The following SIK2 variants were observed in gnomAD, a reference collection of about 807,000 sequenced individuals.
SIK2 encodes serine/threonine-protein kinase SIK2.
A neutral mutation model predicts 103.2 loss-of-function variants in SIK2; 29 were observed. The observed-to-expected ratio is 0.28, with a 90% confidence interval of 0.21 to 0.38. The LOEUF is 0.38. SIK2 is among the 10% of genes least tolerant of loss of function. The pLI is 1.00. For synonymous variants in SIK2, 412 were observed against 446.1 expected, an observed-to-expected ratio of 0.92 and a Z score of 0.96; for missense variants, 879 against 1,171.0, an observed-to-expected ratio of 0.75 and a Z score of 3.64.
At chr11:111,651,036 G>A (rs1004567815) in intron 3 of SIK2, among the ~76,000 whole-genome samples, 3 of 152,166 alleles carry the variant, frequency 2.0e-5, no homozygotes, top group Non-Finnish European at 2.9e-5. Context: ...CTGACTTCAC[G>A]TTAGAGTTAT....
chr11:111,674,908 A>G (rs1207308040), intron 3 of SIK2, among the ~76,000 whole-genome samples: 6 of 152,224 alleles, frequency 3.9e-5, no homozygotes, highest in South Asian at 2.1e-4. Flanking sequence ...CACTTCACCC[A>G]GCTAATGTTT....
At chr11:111,672,409 GA>G in intron 3 of SIK2, 1 of 390,442 alleles carries the variant, frequency 2.6e-6, no homozygotes, top group Non-Finnish European at 4.4e-6. Flanking sequence ...GGACACAGTG[GA>G]GGCAGGAGTG....
At chr11:111,702,977 C>G (rs995533196) in intron 6 of SIK2, among the ~76,000 whole-genome samples, 11 of 151,870 alleles carry the variant, frequency 7.2e-5, no homozygotes, top group Non-Finnish European at 1.5e-4. Flanking sequence ...TCCTTTAGCC[C>G]AGAATCTGAT....
intron 3 of SIK2, among the ~76,000 whole-genome samples, chr11:111,668,195 T>TGTGA (rs1313182985): frequency 6.6e-6 from 1 of 151,908 alleles, no homozygotes; most frequent in Non-Finnish European, 1.5e-5. Context: ...TGTGTGTGTG[T>TGTGA]GTGTGTGTGT....
chr11:111,693,115 C>G (rs568089465), intron 4 of SIK2, among the ~76,000 whole-genome samples: 1 of 151,968 alleles, frequency 6.6e-6, no homozygotes, highest in African/African-American at 2.4e-5. Context: ...GGGCGGATCA[C>G]GAGGGCAGGA....
intron 6 of SIK2, among the ~76,000 whole-genome samples, chr11:111,702,416 C>A (rs1327656069): frequency 6.6e-6 from 1 of 152,146 alleles, no homozygotes; most frequent in Non-Finnish European, 1.5e-5. Flanking sequence ...AAGACCCTGT[C>A]TCTACAAAAA....
At chr11:111,669,738 T>A (rs1430036203) in intron 3 of SIK2, among the ~76,000 whole-genome samples, 3 of 152,192 alleles carry the variant, frequency 2.0e-5, no homozygotes, top group Non-Finnish European at 4.4e-5. Flanking sequence ...GTATTTAGAC[T>A]TTTTGGCCTT....
intron 9 of SIK2, among the ~76,000 whole-genome samples, chr11:111,719,501 C>A (rs1474798500): frequency 6.6e-6 from 1 of 151,554 alleles, no homozygotes; most frequent in African/African-American, 2.4e-5. Context: ...CTGGAAACCA[C>A]TAAAAAAGTT....
chr11:111,606,520 T>G (rs1382938111), intron 1 of SIK2, among the ~76,000 whole-genome samples: 1 of 152,144 alleles, frequency 6.6e-6, no homozygotes, highest in African/African-American at 2.4e-5. Flanking sequence ...TATATAACTT[T>G]ATAAAAACAT....
At position 111,688,936 on chromosome 11, in the gene SIK2, T is replaced by A. The variant is rs755793733; in HGVS notation, c.478+774T>A. 6.6e-6 allele frequency among the ~76,000 whole-genome samples: 1 copy of A among 152,186 alleles called. No individual in the cohort carries two copies. Among genetic ancestry groups the A allele is most frequent in the Non-Finnish European group, 1.5e-5 (1 of 68,030 alleles). ...AAAATACAGTATGATAGTTGCAATT[T>A]TAAAAGTATATACAAACTGCATGGG... is the stretch of plus-strand genomic sequence containing the variant. On this transcript the variant is annotated intron_variant, in intron 4 of 14. Transcript: ENST00000304987. This position sits in a 1 kb window ranked among gnomAD's most constrained non-coding sequence, Gnocchi z 4.2.
chr11:111,686,368 GGAGCAGAGGTTGCAGT>G (rs1394250560), intron 3 of SIK2, among the ~76,000 whole-genome samples: 2 of 152,086 alleles, frequency 1.3e-5, no homozygotes, highest in Non-Finnish European at 2.9e-5. Context: ...TTGAACCTGG[GGAGCAGAGGTTGCAGT>G]GAGCCAAGAT....
chr11:111,707,595 C>T (rs1382980801), intron 8 of SIK2, among the ~76,000 whole-genome samples: 1 of 152,152 alleles, frequency 6.6e-6, no homozygotes, highest in African/African-American at 2.4e-5. Flanking sequence ...GCCCCCTCCT[C>T]TCAGAGATTT....
chr11:111,607,110 G>A lies in SIK2; in HGVS notation c.135+4412G>A, dbSNP rs571824668. ...ACCTCTCATATTGCTTAGCTAAAGA[G>A]CATGTAAATGTATAGTCTGTGGAAT... On this transcript the variant is annotated intron_variant, in intron 1 of 14. Coordinates refer to ENST00000304987, the MANE Select transcript of SIK2 (RefSeq NM_015191.3). Among the ~76,000 whole-genome samples the A allele has an allele frequency of 3.9e-5, 6 of 152,208 alleles. No individual in the cohort carries two copies. In the South Asian group the frequency reaches 1.2e-3, roughly 32 times the overall value.
chr11:111,687,614 A>C (rs551207189), intron 3 of SIK2, among the ~76,000 whole-genome samples: 21 of 109,250 alleles, frequency 1.9e-4, no homozygotes, highest in African/African-American at 6.8e-4. Context: ...AAAAAAAAAA[A>C]CTTTTTTTTT....
chr11:111,645,866 C>T (rs551145964), intron 3 of SIK2, among the ~76,000 whole-genome samples: 164 of 150,990 alleles, frequency 1.1e-3, no homozygotes, highest in African/African-American at 3.8e-3. Flanking sequence ...CCTGTGGGGG[C>T]GAGAGGGAGG....
At chr11:111,633,862 A>G (rs1565320901) in intron 3 of SIK2, among the ~76,000 whole-genome samples, 1 of 152,162 alleles carries the variant, frequency 6.6e-6, no homozygotes. Flanking sequence ...TTTGCTTAAG[A>G]GTCCTTGGGT....
chr11:111,642,867 T>C (rs1310388874), intron 3 of SIK2, among the ~76,000 whole-genome samples: 2 of 152,182 alleles, frequency 1.3e-5, no homozygotes, highest in African/African-American at 4.8e-5. Context: ...CACTTAGGAA[T>C]ACCATAGGTT....
rs1941805848 is a variant in SIK2 at position 111,616,336 on chromosome 11, C to T, written c.229C>T (p.Pro77Ser). The change falls in exon 2 of 15, where the codon CCT becomes TCT. Residue 77 changes from proline (P) to serine (S), a missense_variant. Transcript: ENST00000304987. Reference protein sequence around the residue: ...EVQIMKMLDHPHIIKLYQVME... With the variant: ...EVQIMKMLDHSHIIKLYQVME... Reference sequence around the variant, plus strand: ...ACAAATAATGAAAATGTTAGACCACCCTCACATAATCAAACTTTATCAGGT... The same window carrying T: ...ACAAATAATGAAAATGTTAGACCACTCTCACATAATCAAACTTTATCAGGT... 1 of 1,608,290 alleles carries T rather than the reference C, an allele frequency of 6.2e-7. No homozygotes were observed. Among genetic ancestry groups the T allele is most frequent in the South Asian group, 1.1e-5 (1 of 90,902 alleles).
At chr11:111,629,548 T>C (rs1018442591) in intron 3 of SIK2, among the ~76,000 whole-genome samples, 7 of 152,186 alleles carry the variant, frequency 4.6e-5, no homozygotes, top group Admixed American at 3.3e-4. Flanking sequence ...TTGGAGATAA[T>C]ATCAGGACAG....
Sources: allele counts gnomAD v4.1 joint callset (sites outside exome capture counted in the v4.1 genomes callset), GRCh38; gene constraint gnomAD v4.1.1; non-coding constraint Gnocchi (gnomAD v3.1); transcripts MANE v1.5; gene names NCBI Gene and HGNC (gene_info 2026-07-23, HGNC 2026-07-21).